Variants in TEK observed in about 807,000 individuals in gnomAD.
TEK encodes the protein TEK receptor tyrosine kinase, also known as angiopoietin-1 receptor.
A neutral mutation model predicts 131.8 loss-of-function variants in TEK; 43 were observed. The ratio of observed to expected loss-of-function variants is 0.33; its 90% confidence interval spans 0.26 to 0.42. TEK has a LOEUF of 0.42. Among genes scored for constraint, TEK ranks in the 10% least tolerant of loss-of-function variants. TEK has a pLI of 1.00. For synonymous variants in TEK, 580 were observed against 491.6 expected (o/e 1.18, Z -2.38); for missense variants, 1,162 against 1,384.4 (o/e 0.84, Z 2.55).
intron 1 of TEK, among the ~76,000 whole-genome samples, chr9:27,132,275 A>G (rs1465262835): frequency 6.6e-6 from 1 of 151,924 alleles, no homozygotes; most frequent in Non-Finnish European, 1.5e-5. Context: ...TTTAGTAGAG[A>G]CGGGGTTTCA....
At chr9:27,167,195 C>T (rs1305991213) in intron 2 of TEK, among the ~76,000 whole-genome samples, 2 of 152,076 alleles carry the variant, frequency 1.3e-5, no homozygotes, top group Non-Finnish European at 2.9e-5. Flanking sequence ...AAGCTTGACA[C>T]AGTAACAGAA....
At chr9:27,209,100 A>C in intron 15 of TEK, 21 bp from the exon 16 acceptor site, 1 of 1,569,130 alleles carries the variant, frequency 6.4e-7, no homozygotes, top group Non-Finnish European at 8.8e-7. Context: ...GAAGAATCAC[A>C]ACCCTTGACT....
At chr9:27,215,069 C>G (rs1218060315) in intron 18 of TEK, among the ~76,000 whole-genome samples, 1 of 152,164 alleles carries the variant, frequency 6.6e-6, no homozygotes, top group Non-Finnish European at 1.5e-5. Flanking sequence ...TGTGGGTACC[C>G]TGGGTGAGAA....
chr9:27,200,358 C>A (rs1009818967), intron 12 of TEK, among the ~76,000 whole-genome samples: 5 of 152,196 alleles, frequency 3.3e-5, no homozygotes, highest in Non-Finnish European at 5.9e-5. Context: ...GAATGATACA[C>A]TCTCAAAATC....
intron 4 of TEK, among the ~76,000 whole-genome samples, chr9:27,170,933 C>T (rs1328859492): frequency 2.0e-5 from 3 of 152,298 alleles, no homozygotes; most frequent in African/African-American, 7.2e-5. Flanking sequence ...AGGGGGATCA[C>T]AACGAGTAAA....
rs563961610 is a variant in TEK, at chr9:27,160,010, G to GTT, written c.364+1897_364+1898dup. ...ATAATGACATTGTCAGCTGTTTAGG[G>GTT]TTTTTTTTTTTTTTTTTTTTTTTTT... On this transcript the variant is annotated intron_variant, in intron 2 of 22. Coordinates refer to ENST00000380036, the MANE Select transcript of TEK (RefSeq NM_000459.5). Among the ~76,000 whole-genome samples, 181 of 84,330 alleles carry GTT rather than the reference G, an allele frequency of 2.1e-3. 5 individuals are homozygous for GTT. Among genetic ancestry groups the GTT allele is most frequent in the East Asian group, 0.011 (28 of 2,590 alleles). The allele number at this position is 84,330 out of a possible 152,430, so 55.3% of individuals were successfully genotyped here. A position where few individuals can be genotyped will look rare whatever the true frequency, so the allele number is the denominator to read the frequency against.
intron 4 of TEK, among the ~76,000 whole-genome samples, chr9:27,171,691 T>C (rs1253653760): frequency 6.6e-6 from 1 of 152,212 alleles, no homozygotes; most frequent in East Asian, 1.9e-4. Context: ...TTCTATTAAA[T>C]GTCAGAGCAG....
chr9:27,158,752 C>G (rs986859985), intron 2 of TEK, among the ~76,000 whole-genome samples: 1 of 151,416 alleles, frequency 6.6e-6, no homozygotes, highest in Non-Finnish European at 1.5e-5. Flanking sequence ...CTCCGCCTCC[C>G]GGGTTCAAGC....
rs1453946987 is a variant in TEK at position 27,228,147 on chromosome 9, C to T, written c.3201-59C>T. On this transcript the variant is annotated intron_variant, in intron 21 of 22. Coordinates refer to ENST00000380036, the MANE Select transcript of TEK (RefSeq NM_000459.5). ...CTTCATTCTCTCCTCTCTTTTCCTG[C>T]CGTGCCTAGGACTGAAGCACAGTTA... 1.0e-5 allele frequency: 14 copies of T among 1,403,796 alleles called. No individual in the cohort carries two copies. The Admixed American group carries it at 1.0e-4, about 10-fold the overall frequency. 87.0% of individuals were successfully genotyped at this position (1,403,796 alleles called of 1,614,324 possible). A position where few individuals can be genotyped will look rare whatever the true frequency, so the allele number is the denominator to read the frequency against.
intron 18 of TEK, among the ~76,000 whole-genome samples, chr9:27,216,289 G>A (rs996388047): frequency 2.6e-5 from 4 of 152,160 alleles, no homozygotes; most frequent in African/African-American, 7.2e-5. Context: ...GAGACCAGGA[G>A]AGATTGTTGT....
intron 20 of TEK, among the ~76,000 whole-genome samples, chr9:27,219,723 A>T (rs1825978756): frequency 6.6e-6 from 1 of 151,380 alleles, no homozygotes; most frequent in African/African-American, 2.4e-5. Context: ...TGGACTTCCA[A>T]TCAGAAAAAA....
chr9:27,210,920 C>T (rs1398834646), intron 16 of TEK, among the ~76,000 whole-genome samples: 2 of 151,996 alleles, frequency 1.3e-5, no homozygotes, highest in Non-Finnish European at 2.9e-5. Context: ...ATGTCGAGAC[C>T]ATCCTGGCCA....
At chr9:27,225,449 A>G (rs1237224647) in intron 21 of TEK, among the ~76,000 whole-genome samples, 6 of 152,204 alleles carry the variant, frequency 3.9e-5, no homozygotes, top group African/African-American at 1.2e-4. Flanking sequence ...ATCTACAACC[A>G]TCTCATCTTT....
intron 6 of TEK, among the ~76,000 whole-genome samples, chr9:27,176,347 C>T (rs1824171280): frequency 6.6e-6 from 1 of 152,112 alleles, no homozygotes; most frequent in Non-Finnish European, 1.5e-5. Flanking sequence ...CAAAGTCATT[C>T]AGAACACTTT....
chr9:27,158,107 C>A lies in TEK; in HGVS notation c.329C>A (p.Ala110Glu). ...TGTGAAGGGCGAGTTCGAGGAGAGG[C>A]AATCAGGATACGAACCATGAAGATG... is the stretch of plus-strand genomic sequence containing the variant. ...YFCEGRVRGE[A>E]IRIRTMKMRQ... Residue 110 changes from alanine (A) to glutamate (E), a missense_variant, in exon 2 of 23, where the codon GCA (alanine) becomes GAA (glutamate). Physicochemically the swap from Ala to Glu is moderately radical, Grantham distance 107. Coordinates refer to ENST00000380036, the MANE Select transcript of TEK (RefSeq NM_000459.5). The A allele has an allele frequency of 6.2e-7, 1 of 1,614,142 alleles. No homozygotes were observed. The highest frequency in any genetic ancestry group is 8.5e-7 in the Non-Finnish European group (1 of 1,180,012).
chr9:27,202,835 C>T lies in TEK; in HGVS notation c.1925C>T (p.Pro642Leu). 6.2e-7 allele frequency: 1 copy of T among 1,614,030 alleles called. No individual in the cohort carries two copies. The highest frequency in any genetic ancestry group is 8.5e-7 in the Non-Finnish European group (1 of 1,179,930). The change falls in exon 13 of 23, where the codon CCA becomes CTA. Residue 642 changes from proline to leucine, a missense_variant. Around this residue, in one of 6 missense-constraint regions of TEK, gnomAD observed 477 missense variants for 471.0 expected, o/e 1.01. Transcript: ENST00000380036. ...TAATTTCTAGTTCTTCCTCCTCAACCAGAAAACATCAAGATTTCCAACATT... is the reference window on the plus strand; with the variant it reads ...TAATTTCTAGTTCTTCCTCCTCAACTAGAAAACATCAAGATTTCCAACATT... ...WTLSDILPPQ[P>L]ENIKISNITH...
intron 2 of TEK, among the ~76,000 whole-genome samples, chr9:27,164,054 G>A (rs1415700832): frequency 1.3e-5 from 2 of 152,108 alleles, no homozygotes; most frequent in Non-Finnish European, 2.9e-5. Context: ...GAGGTGGTTG[G>A]ACCTTAAAGC....
intron 1 of TEK, among the ~76,000 whole-genome samples, chr9:27,152,590 G>GCCCCCCCC (rs370861168): frequency 2.1e-5 from 3 of 141,480 alleles, no homozygotes; most frequent in African/African-American, 8.2e-5. Context: ...CTTATATGAA[G>GCCCCCCCC]CCCCCCCGCC....
intron 1 of TEK, among the ~76,000 whole-genome samples, chr9:27,136,205 C>T (rs1172257055): frequency 6.6e-6 from 1 of 151,890 alleles, no homozygotes; most frequent in African/African-American, 2.4e-5. Context: ...CCTCAGCCTC[C>T]CGAGTAGCTG....
Sources: allele counts gnomAD v4.1 joint callset (sites outside exome capture counted in the v4.1 genomes callset), GRCh38; gene constraint gnomAD v4.1.1; regional missense constraint gnomAD v4.1.1; transcripts MANE v1.5; gene names NCBI Gene and HGNC (gene_info 2026-07-23, HGNC 2026-07-21).